AKR7A3: variants seen among roughly 807,000 people sequenced by gnomAD.
AKR7A3 encodes the protein aldo-keto reductase family 7 member A3.
Under a neutral mutation model 32.5 loss-of-function variants are expected in AKR7A3, and 37 were observed. The observed-to-expected ratio is 1.14, with a 90% CI of 0.88 to 1.50. The LOEUF (loss-of-function observed/expected upper bound fraction) is 1.50, where lower values mean the gene tolerates loss of function less well. AKR7A3 is among the 40% of genes most tolerant of loss of function. The pLI, the probability that AKR7A3 is intolerant of heterozygous loss-of-function variation, is 0.00. For missense variants in AKR7A3, 412 were observed against 453.2 expected (o/e 0.91, Z 0.83); for synonymous variants, 177 against 188.4 (o/e 0.94, Z 0.50).
At chr1:19,274,864 C>T in the AKR7A3 span, among the ~76,000 whole-genome samples, 1 of 113,932 alleles carries the variant, frequency 8.8e-6, no homozygotes, top group Non-Finnish European at 1.7e-5. Flanking sequence ...CTGCACTCCG[C>T]CCTGGGTGAC....
At chr1:19,285,274 C>A (rs1029362606) in intron 3 of AKR7A3, among the ~76,000 whole-genome samples, 160 bp from the exon 4 acceptor site, 2 of 151,936 alleles carry the variant, frequency 1.3e-5, no homozygotes, top group Non-Finnish European at 2.9e-5. Flanking sequence ...GAAGCTTATG[C>A]CCATGGAAAA....
rs764400009 is a variant in AKR7A3, at chr1:19,282,775, C to A, written c.952G>T (p.Ala318Ser). The A allele has an allele frequency of 6.2e-7, 1 of 1,613,734 alleles. No individual in the cohort carries two copies. Among genetic ancestry groups the A allele is most frequent in the East Asian group, 2.2e-5 (1 of 44,874 alleles). Reference protein sequence around the residue: ...EPAVVDAFNQAWHLVTHECPN... With the variant: ...EPAVVDAFNQSWHLVTHECPN... ...CATTCGTGAGTAACCAAATGCCAGG[C>A]TTGATTAAAGGCGTCCACGACAGCC... Residue 318 changes from alanine (A) to serine (S), a missense_variant, in exon 7 of 7, where the codon GCC becomes TCC. Coordinates refer to ENST00000361640, the MANE Select transcript of AKR7A3 (RefSeq NM_012067.3).
In AKR7A3 at chr1:19,283,991, G is replaced by A; in HGVS notation, c.834+5C>T. On this transcript the variant is annotated splice_donor_5th_base_variant and intron_variant, in intron 6 of 6. Coordinates refer to ENST00000361640, the MANE Select transcript of AKR7A3 (RefSeq NM_012067.3). ...AGAAGCTGAGCGCACAGGGTCACTGGTTACCTGCAGCTGTGAGTGGTGGTA... is the reference window on the plus strand; with the variant it reads ...AGAAGCTGAGCGCACAGGGTCACTGATTACCTGCAGCTGTGAGTGGTGGTA... The A allele has an allele frequency of 5.0e-6, 8 of 1,613,060 alleles. No individual in the cohort carries two copies. Among genetic ancestry groups the A allele is most frequent in the Non-Finnish European group, 6.8e-6 (8 of 1,179,868 alleles).
chr1:19,283,350 C>G (rs2093722209), intron 6 of AKR7A3, among the ~76,000 whole-genome samples: 1 of 151,818 alleles, frequency 6.6e-6, no homozygotes, highest in Non-Finnish European at 1.5e-5. Flanking sequence ...CAGCTCCCAC[C>G]AAAAGGATGA....
intron 6 of AKR7A3, among the ~76,000 whole-genome samples, chr1:19,283,113 A>T (rs2151981000): frequency 6.7e-6 from 1 of 148,328 alleles, no homozygotes; most frequent in Non-Finnish European, 1.5e-5. Flanking sequence ...TTCACAGCCC[A>T]GTTCTGCCCC....
At chr1:19,282,294 G>C (rs1448349899), downstream of AKR7A3, among the ~76,000 whole-genome samples, 1 of 151,270 alleles carries the variant, frequency 6.6e-6, no homozygotes, top group Non-Finnish European at 1.5e-5. Flanking sequence ...GTGAGTTCCA[G>C]CTCTATGAGT....
Position 19,285,054 on chromosome 1 carries a change from A to G in AKR7A3, c.568T>C (p.Phe190Leu). Residue 190 changes from phenylalanine (F) to leucine (L), a missense_variant, in exon 4 of 7, where the codon TTT (phenylalanine) becomes CTT (leucine). Physicochemically the swap from Phe to Leu is conservative, Grantham distance 22 (BLOSUM62 0). Transcript: ENST00000361640. Reference protein sequence around the residue: ...ETELFPCLRHFGLRFYAFNPL... With the variant: ...ETELFPCLRHLGLRFYAFNPL... ...TTGAAGGCATAGAACCTCAGTCCAA[A>G]GTGCCTGAGGCAGGGGAAGAGCTCC... is the stretch of plus-strand genomic sequence containing the variant. 1 of 1,613,286 alleles carries G rather than the reference A, an allele frequency of 6.2e-7. No homozygotes were observed. Among genetic ancestry groups the G allele is most frequent in the Non-Finnish European group, 8.5e-7 (1 of 1,179,852 alleles).
chr1:19,284,647 C>T, intron 5 of AKR7A3, 39 bp downstream of exon 5: 1 of 1,604,360 alleles, frequency 6.2e-7, no homozygotes, highest in Non-Finnish European at 8.5e-7. Flanking sequence ...ATAAAGCTGA[C>T]CCCACCCCAG....
intron 1 of AKR7A3, among the ~76,000 whole-genome samples, chr1:19,287,293 C>A (rs1426421664): frequency 1.4e-5 from 2 of 140,884 alleles, no homozygotes; most frequent in Non-Finnish European, 3.0e-5. Context: ...GGCAAAAAAG[C>A]AAGACCCTGT....
chr1:19,286,600 G>C (rs758157451), intron 1 of AKR7A3, among the ~76,000 whole-genome samples: 13 of 151,876 alleles, frequency 8.6e-5, no homozygotes, highest in Non-Finnish European at 1.9e-4. Context: ...AGAATTGCTT[G>C]AACCCGGGAG....
At chr1:19,284,937 C>G (rs569914136) in intron 4 of AKR7A3, 81 bp downstream of exon 4, 1 of 1,603,070 alleles carries the variant, frequency 6.2e-7, no homozygotes, top group African/African-American at 1.3e-5. Flanking sequence ...GTTTGTCAAA[C>G]CCTCCTTGCT....
In AKR7A3 at chr1:19,286,184, C is replaced by A. The variant is rs145295147; in HGVS notation, c.402+1G>T. 17 of 1,612,584 alleles carry A rather than the reference C, an allele frequency of 1.1e-5. No individual in the cohort carries two copies. The highest frequency in any genetic ancestry group is 1.4e-5 in the Non-Finnish European group (17 of 1,179,918). On this transcript the variant is annotated splice_donor_variant, in intron 2 of 6. Transcript: ENST00000361640. LOFTEE classifies it high-confidence loss of function. ...CTCCCAGAGCTCAGGGGTCCCCTCACCTCCTGGTGCAGCTGGTGGCAGGCA... is the reference window on the plus strand; with the variant it reads ...CTCCCAGAGCTCAGGGGTCCCCTCAACTCCTGGTGCAGCTGGTGGCAGGCA...
downstream of AKR7A3, among the ~76,000 whole-genome samples, chr1:19,280,812 C>T (rs561873417): frequency 6.5e-4 from 99 of 151,840 alleles, no homozygotes; most frequent in African/African-American, 2.3e-3. Context: ...CCTCATGATC[C>T]GCCTGCCTCG....
the AKR7A3 span, among the ~76,000 whole-genome samples, chr1:19,274,711 C>T: frequency 1.3e-5 from 2 of 150,602 alleles, no homozygotes; most frequent in Admixed American, 6.6e-5. Flanking sequence ...TTTGGGAGAT[C>T]AAGGCAGGAC....
chr1:19,282,690 A>G lies in AKR7A3; in HGVS notation c.*41T>C. 1 of 1,613,576 alleles carries G rather than the reference A, an allele frequency of 6.2e-7. No homozygotes were observed. Among genetic ancestry groups the G allele is most frequent in the Non-Finnish European group, 8.5e-7 (1 of 1,179,828 alleles). ...TTAAAGAAAATGTGAGTAACAAAAG[A>G]TGTTACAGAAGAGCCTTGGGCAGCC... On this transcript the variant is annotated 3_prime_UTR_variant, in exon 7 of 7. Coordinates refer to ENST00000361640, the MANE Select transcript of AKR7A3 (RefSeq NM_012067.3).
intron 1 of AKR7A3, among the ~76,000 whole-genome samples, chr1:19,286,643 A>C (rs922374367): frequency 6.6e-6 from 1 of 151,862 alleles, no homozygotes; most frequent in Non-Finnish European, 1.5e-5. Flanking sequence ...ATTGTGCCAC[A>C]GCACAATGTC....
chr1:19,278,984 G>A (rs2093715002), downstream of AKR7A3, among the ~76,000 whole-genome samples: 1 of 151,786 alleles, frequency 6.6e-6, no homozygotes, highest in Admixed American at 6.6e-5. Context: ...TAGAAACATG[G>A]TTTGCTCTGT....
intron 3 of AKR7A3, 104 bp from the exon 4 acceptor site, chr1:19,285,218 C>A: frequency 9.2e-7 from 1 of 1,084,460 alleles, no homozygotes; most frequent in African/African-American, 1.6e-5. Flanking sequence ...AATTCTAGGA[C>A]TTTAACCGTC....
intron 1 of AKR7A3, 28 bp from the exon 2 acceptor site, chr1:19,286,400 G>C: frequency 6.2e-7 from 1 of 1,608,924 alleles, no homozygotes; most frequent in Non-Finnish European, 8.5e-7. Flanking sequence ...TGAAATTCAG[G>C]GCCAGGCGCC....
Sources: allele counts gnomAD v4.1 joint callset (sites outside exome capture counted in the v4.1 genomes callset), GRCh38; gene constraint gnomAD v4.1.1; transcripts MANE v1.5; gene names NCBI Gene and HGNC (gene_info 2026-07-23, HGNC 2026-07-21).